Variants in KLHL14 observed in about 807,000 individuals in gnomAD.
KLHL14 encodes the protein kelch-like protein 14.
Under a neutral mutation model 64.3 loss-of-function variants are expected in KLHL14, and 22 were observed. The observed-to-expected ratio is 0.34, with a 90% CI of 0.24 to 0.49. The LOEUF is 0.49. KLHL14 is among the 20% of genes least tolerant of loss of function. The probability of loss-of-function intolerance (pLI) is 0.99; values close to 1 mark genes in which losing one functional copy is unlikely to be tolerated. For synonymous variants in KLHL14, 322 were observed against 333.4 expected, an observed-to-expected ratio of 0.97 and a Z score of 0.37; for missense variants, 661 against 789.0, an observed-to-expected ratio of 0.84 and a Z score of 1.94.
In KLHL14 at chr18:32,729,057, C is replaced by T. The variant is rs147796084; in HGVS notation, c.1069+12871G>A. 7.8e-4 allele frequency among the ~76,000 whole-genome samples: 119 copies of T among 152,202 alleles called. 1 individual carries two copies. The Middle Eastern group carries it at 0.024, about 31-fold the overall frequency. ...CCTTTGTTATGGCAGCCCTGGGAAA[C>T]GAATACTACAGGTAACCTAAATTAA... On this transcript the variant is annotated intron_variant, in intron 3 of 8. Coordinates refer to ENST00000359358, the MANE Select transcript of KLHL14 (RefSeq NM_020805.3).
At chr18:32,714,323 T>C (rs2050034365) in intron 3 of KLHL14, among the ~76,000 whole-genome samples, 1 of 152,152 alleles carries the variant, frequency 6.6e-6, no homozygotes, top group African/African-American at 2.4e-5. Flanking sequence ...GCTTTGGTGA[T>C]TATTTAAAGA....
rs1312898125 is a variant in KLHL14, at chr18:32,674,494, C to G, written c.*163G>C. 1 of 615,594 alleles carries G rather than the reference C, an allele frequency of 1.6e-6. No individual in the cohort carries two copies. The highest frequency in any genetic ancestry group is 2.9e-6 in the Non-Finnish European group (1 of 340,764). 38.1% of individuals were successfully genotyped at this position (615,594 alleles called of 1,614,324 possible). A position where few individuals can be genotyped will look rare whatever the true frequency, so the allele number is the denominator to read the frequency against. On this transcript the variant is annotated 3_prime_UTR_variant, in exon 9 of 9. Transcript: ENST00000359358. ...CTGAGTTATAGACATAGTATCTGTT[C>G]AAGAACAGGTCTCTTTCTTTTGTAG...
chr18:32,768,078 G>A (rs538511151), intron 2 of KLHL14, among the ~76,000 whole-genome samples: 12 of 152,196 alleles, frequency 7.9e-5, no homozygotes, highest in Admixed American at 1.3e-4. Flanking sequence ...TTAGACAAAC[G>A]AAAAATTCCA....
intron 2 of KLHL14, chr18:32,745,513 G>A (rs2050219846): frequency 6.6e-6 from 1 of 151,992 alleles, no homozygotes; most frequent in African/African-American, 2.4e-5. Flanking sequence ...GTTATAAGAA[G>A]GTACACATTT....
chr18:32,743,614 G>T (rs922120328), intron 2 of KLHL14: 2 of 152,154 alleles, frequency 1.3e-5, no homozygotes, highest in Admixed American at 6.5e-5. Flanking sequence ...GAGCCAAAAG[G>T]AAAACAAACA....
rs551197416 is a variant in KLHL14, at chr18:32,710,637, C to T, written c.1070-15085G>A. On this transcript the variant is annotated intron_variant, in intron 3 of 8. Coordinates refer to ENST00000359358, the MANE Select transcript of KLHL14 (RefSeq NM_020805.3). Reference sequence around the variant, plus strand: ...ATACACATGTAAATGTAACATAAAACGGACTGTAGTTAATGATGTAATAGA... The same window carrying T: ...ATACACATGTAAATGTAACATAAAATGGACTGTAGTTAATGATGTAATAGA... 3.8e-4 allele frequency among the ~76,000 whole-genome samples: 58 copies of T among 152,214 alleles called. No homozygotes were observed. The South Asian group carries it at 9.1e-3, about 24-fold the overall frequency.
intron 2 of KLHL14, chr18:32,743,526 AG>A (rs1379898644): frequency 1.3e-5 from 2 of 152,242 alleles, no homozygotes; most frequent in Admixed American, 1.3e-4. Flanking sequence ...TCATAGATAG[AG>A]GGAGCTGTAC....
intron 7 of KLHL14, among the ~76,000 whole-genome samples, chr18:32,677,640 A>G (rs1231902783): frequency 1.3e-5 from 2 of 152,216 alleles, no homozygotes; most frequent in African/African-American, 4.8e-5. Context: ...TGTTTAAAAT[A>G]ATAGTTTAAG....
At chr18:32,705,018 C>G (rs777067374) in intron 3 of KLHL14, among the ~76,000 whole-genome samples, 7 of 152,160 alleles carry the variant, frequency 4.6e-5, no homozygotes, top group Non-Finnish European at 8.8e-5. Flanking sequence ...GAGATTTTTC[C>G]AGGCTGTTGC....
At chr18:32,689,683 C>T (rs1391699541) in intron 4 of KLHL14, among the ~76,000 whole-genome samples, 1 of 152,072 alleles carries the variant, frequency 6.6e-6, no homozygotes, top group Non-Finnish European at 1.5e-5. Context: ...ACTGGAAAGT[C>T]CTTGAGCAGG....
chr18:32,754,875 G>A (rs1029829899), intron 2 of KLHL14, among the ~76,000 whole-genome samples: 3 of 152,178 alleles, frequency 2.0e-5, no homozygotes, highest in Non-Finnish European at 2.9e-5. Context: ...AGGACTCAAC[G>A]TTTATTTTTA....
At chr18:32,742,413 G>A (rs979079908) in intron 2 of KLHL14, among the ~76,000 whole-genome samples, 68 of 152,060 alleles carry the variant, frequency 4.5e-4, no homozygotes, top group Non-Finnish European at 8.8e-5. Context: ...GTCAAAAATC[G>A]TATTAGTCAA....
chr18:32,753,036 C>T (rs144113700), intron 2 of KLHL14, among the ~76,000 whole-genome samples: 2 of 150,510 alleles, frequency 1.3e-5, no homozygotes, highest in African/African-American at 2.4e-5. Context: ...TAAGATGCAA[C>T]GGGTATTGAG....
chr18:32,680,389 A>C lies in KLHL14; in HGVS notation c.1429+20T>G, dbSNP rs199859493. The C allele has an allele frequency of 1.9e-6, 3 of 1,613,730 alleles. No individual in the cohort carries two copies. In the East Asian group the frequency reaches 6.7e-5, roughly 36 times the overall value. ...GCTTTGGAACTGAACTTTGTAACAG[A>C]AAGTGGAGGAATTACTTGCCTGAAA... On this transcript the variant is annotated intron_variant, in intron 6 of 8. Coordinates refer to ENST00000359358, the MANE Select transcript of KLHL14 (RefSeq NM_020805.3). This position sits in a 1 kb window ranked among gnomAD's most constrained non-coding sequence, Gnocchi z 4.8.
At chr18:32,676,050 A>AGACCCAAT (rs1306870337) in intron 8 of KLHL14, among the ~76,000 whole-genome samples, 7 of 152,238 alleles carry the variant, frequency 4.6e-5, no homozygotes, top group African/African-American at 1.7e-4. Flanking sequence ...GTAATCTGCT[A>AGACCCAAT]GACCCAATGT....
intron 3 of KLHL14, among the ~76,000 whole-genome samples, chr18:32,713,381 A>G (rs2050030032): frequency 6.6e-6 from 1 of 152,126 alleles, no homozygotes; most frequent in South Asian, 2.1e-4. Context: ...CTTGCTCAGG[A>G]CAAAAGCCTT....
At position 32,770,559 on chromosome 18, in the gene KLHL14, G is replaced by T. The variant is rs1240203511; in HGVS notation, c.33C>A (p.Phe11Leu). Reference protein sequence around the residue: MSRSGDRTSTFDPSHSDNLLH... With the variant: MSRSGDRTSTLDPSHSDNLLH... ...GCAGGTTGTCGCTGTGGCTGGGGTC[G>T]AAGGTGGAGGTCCTGTCCCCGGATC... Residue 11 changes from phenylalanine (F) to leucine (L), a missense_variant, in exon 2 of 9, where the codon TTC becomes TTA. Physicochemically the swap from Phe to Leu is conservative, Grantham distance 22. This residue lies in a region of KLHL14 where 331 missense variants were observed against 339.0 expected (regional missense o/e 0.98). Transcript: ENST00000359358. The surrounding 1 kb of genome is among the most constrained non-coding windows in gnomAD (Gnocchi z 6.7). The T allele has an allele frequency of 6.3e-7, 1 of 1,594,788 alleles. No homozygotes were observed.
rs906421207 is a variant in KLHL14, at chr18:32,770,731, G to T, written c.-43-97C>A. On this transcript the variant is annotated intron_variant, in intron 1 of 8. Transcript: ENST00000359358. This position sits in a 1 kb window ranked among gnomAD's most constrained non-coding sequence, Gnocchi z 6.7. ...GGGAAGGGTGTGGAGGGGAGGGGAG[G>T]GCGAAGAACAAGAATCAAGGCTCAG... 1.7e-6 allele frequency: 1 copy of T among 581,480 alleles called. No individual in the cohort carries two copies. Among genetic ancestry groups the T allele is most frequent in the East Asian group, 3.5e-5 (1 of 28,700 alleles). 36.0% of individuals were successfully genotyped at this position (581,480 alleles called of 1,614,324 possible). A position where few individuals can be genotyped will look rare whatever the true frequency, so the allele number is the denominator to read the frequency against.
intron 3 of KLHL14, among the ~76,000 whole-genome samples, chr18:32,705,773 A>C (rs2049987092): frequency 6.6e-6 from 1 of 152,230 alleles, no homozygotes; most frequent in Non-Finnish European, 1.5e-5. Flanking sequence ...TCAACTTTTT[A>C]ATTGAGGCCT....
Sources: allele counts gnomAD v4.1 joint callset (sites outside exome capture counted in the v4.1 genomes callset), GRCh38; gene constraint gnomAD v4.1.1; regional missense constraint gnomAD v4.1.1; non-coding constraint Gnocchi (gnomAD v3.1); transcripts MANE v1.5; gene names NCBI Gene and HGNC (gene_info 2026-07-23, HGNC 2026-07-21).